Variants in MACROD2 observed in about 807,000 individuals in gnomAD.
The protein encoded by MACROD2 is mono-ADP ribosylhydrolase 2.
A neutral mutation model predicts 70.4 loss-of-function variants in MACROD2; 36 were observed. That is an observed-to-expected ratio of 0.51 (90% CI 0.39 to 0.68). The LOEUF is 0.68. Ranked by LOEUF, MACROD2 falls within the 30% of genes least tolerant of loss-of-function variation. MACROD2 has a pLI of 0.00. For missense variants in MACROD2, 496 were observed against 538.4 expected, an observed-to-expected ratio of 0.92 and a Z score of 0.78; for synonymous variants, 172 against 178.8, an observed-to-expected ratio of 0.96 and a Z score of 0.30.
At chr20:14,844,457 C>T (rs770801918) in intron 5 of MACROD2, among the ~76,000 whole-genome samples, 4 of 151,922 alleles carry the variant, frequency 2.6e-5, no homozygotes, top group South Asian at 2.1e-4. Context: ...ATGGATGTTG[C>T]GGTGAGCCAA....
At chr20:14,403,425 G>A (rs555122626) in intron 3 of MACROD2, among the ~76,000 whole-genome samples, 6 of 152,118 alleles carry the variant, frequency 3.9e-5, no homozygotes, top group African/African-American at 1.4e-4. Context: ...ATCAAGGGAT[G>A]GTATTTTTTT....
Position 14,543,538 on chromosome 20 carries a change from A to G in MACROD2, c.301+50030A>G, listed in dbSNP as rs150512954. On this transcript the variant is annotated intron_variant, in intron 4 of 17. Coordinates refer to ENST00000684519, the MANE Select transcript of MACROD2 (RefSeq NM_001351661.2). ...TTAAAATAATTGGCATATTGATATA[A>G]TGAAAAGTTCTGTTTTTCTCTCATG... 9.2e-3 allele frequency among the ~76,000 whole-genome samples: 1,405 copies of G among 152,300 alleles called. 25 individuals are homozygous for G. The highest frequency in any genetic ancestry group is 0.032 in the African/African-American group (1,316 of 41,564).
intron 6 of MACROD2, among the ~76,000 whole-genome samples, chr20:15,306,234 C>T (rs2077696544): frequency 6.6e-6 from 1 of 152,154 alleles, no homozygotes; most frequent in African/African-American, 2.4e-5. Flanking sequence ...TTGCAATATC[C>T]TCTGAATTAT....
At chr20:14,506,840 A>G (rs1164234821) in intron 4 of MACROD2, among the ~76,000 whole-genome samples, 1 of 152,094 alleles carries the variant, frequency 6.6e-6, no homozygotes, top group Non-Finnish European at 1.5e-5. Context: ...AGTCCCAGCT[A>G]CTCGTGAGGC....
intron 5 of MACROD2, among the ~76,000 whole-genome samples, chr20:14,692,995 TAA>T (rs2071081260): frequency 6.6e-6 from 1 of 152,238 alleles, no homozygotes; most frequent in Non-Finnish European, 1.5e-5. Flanking sequence ...AGTGTAGAAT[TAA>T]ACAGCTGTGT....
intron 8 of MACROD2, among the ~76,000 whole-genome samples, chr20:15,501,797 G>C (rs916587948): frequency 3.3e-5 from 5 of 152,102 alleles, no homozygotes; most frequent in African/African-American, 1.2e-4. Flanking sequence ...TAATTGGTAG[G>C]TCTTAGATAA....
chr20:15,319,265 G>A lies in MACROD2; in HGVS notation c.540+89204G>A, dbSNP rs372291996. 1.0e-3 allele frequency among the ~76,000 whole-genome samples: 155 copies of A among 152,218 alleles called. 1 individual carries two copies. The South Asian group carries it at 0.012, about 12-fold the overall frequency. ...AATAAATTTAAATAATAAATGAATT[G>A]TACACTTAAAACAATAAAACATTGC... is the stretch of plus-strand genomic sequence containing the variant. On this transcript the variant is annotated intron_variant, in intron 6 of 17. Coordinates refer to ENST00000684519, the MANE Select transcript of MACROD2 (RefSeq NM_001351661.2).
chr20:14,438,724 T>A (rs941352644), intron 3 of MACROD2, among the ~76,000 whole-genome samples: 2 of 152,186 alleles, frequency 1.3e-5, no homozygotes, highest in African/African-American at 4.8e-5. Flanking sequence ...GAGAAATGCA[T>A]ATTCAAGTTC....
At chr20:15,652,021 A>G (rs540678737) in intron 8 of MACROD2, among the ~76,000 whole-genome samples, 1 of 152,272 alleles carries the variant, frequency 6.6e-6, no homozygotes, top group East Asian at 1.9e-4. Flanking sequence ...TTGCGTGGCC[A>G]TGGGAGGTCT....
chr20:14,247,389 G>C (rs1284594982), intron 3 of MACROD2, among the ~76,000 whole-genome samples: 1 of 152,172 alleles, frequency 6.6e-6, no homozygotes, highest in African/African-American at 2.4e-5. Flanking sequence ...TTGTGGTTAT[G>C]TGGACTTTTG....
At chr20:15,461,007 T>TATATATATATATATA (rs1491341955) in intron 7 of MACROD2, among the ~76,000 whole-genome samples, 1 of 42,838 alleles carries the variant, frequency 2.3e-5, no homozygotes, top group African/African-American at 7.3e-5. Flanking sequence ...TATATATATA[T>TATATATATATATATA]TTTTTTTTAA....
At chr20:14,229,412 G>T (rs2081778966) in intron 3 of MACROD2, among the ~76,000 whole-genome samples, 1 of 152,196 alleles carries the variant, frequency 6.6e-6, no homozygotes, top group African/African-American at 2.4e-5. Flanking sequence ...GTAAGGGAAA[G>T]ATTTGAACAG....
At chr20:15,905,555 G>A (rs1040208284) in intron 10 of MACROD2, among the ~76,000 whole-genome samples, 2 of 152,294 alleles carry the variant, frequency 1.3e-5, no homozygotes, top group South Asian at 4.1e-4. Context: ...GCATTAGAGT[G>A]ATTGTTTTCA....
intron 5 of MACROD2, among the ~76,000 whole-genome samples, chr20:15,037,769 C>G (rs1038594873): frequency 3.3e-5 from 5 of 151,378 alleles, no homozygotes; most frequent in African/African-American, 1.2e-4. Context: ...ATGTTAGTTT[C>G]CTCATCTATA....
At chr20:14,094,558 C>A (rs2054197075) in intron 3 of MACROD2, among the ~76,000 whole-genome samples, 1 of 152,066 alleles carries the variant, frequency 6.6e-6, no homozygotes, top group Admixed American at 6.6e-5. Context: ...TTGACTACTT[C>A]ATCCTTGAAT....
At chr20:15,931,525 C>A (rs1000069392) in intron 10 of MACROD2, among the ~76,000 whole-genome samples, 6 of 152,100 alleles carry the variant, frequency 3.9e-5, no homozygotes, top group East Asian at 1.9e-4. Flanking sequence ...GCCTTGTAGA[C>A]CCTGCTACTC....
At chr20:15,311,340 A>C (rs2077750289) in intron 6 of MACROD2, among the ~76,000 whole-genome samples, 1 of 152,248 alleles carries the variant, frequency 6.6e-6, no homozygotes, top group Non-Finnish European at 1.5e-5. Flanking sequence ...AAAATAGTTA[A>C]GTAAATTACT....
intron 5 of MACROD2, among the ~76,000 whole-genome samples, chr20:14,806,416 ATG>A (rs1372060248): frequency 6.6e-6 from 1 of 152,030 alleles, no homozygotes; most frequent in Non-Finnish European, 1.5e-5. Flanking sequence ...CCCAGATACT[ATG>A]CTTTTCCCAT....
At chr20:15,533,544 GCTCTCTCTCT>G (rs3071260) in intron 8 of MACROD2, among the ~76,000 whole-genome samples, 153 of 141,150 alleles carry the variant, frequency 1.1e-3, no homozygotes, top group African/African-American at 2.8e-3. Flanking sequence ...TGTCTCTGTC[GCTCTCTCTCT>G]CTCTCTCTCT....
Sources: allele counts gnomAD v4.1 joint callset (sites outside exome capture counted in the v4.1 genomes callset), GRCh38; gene constraint gnomAD v4.1.1; transcripts MANE v1.5; gene names NCBI Gene and HGNC (gene_info 2026-07-23, HGNC 2026-07-21).